MPZL1: variants seen among roughly 807,000 people sequenced by gnomAD.
MPZL1 encodes myelin protein zero-like protein 1.
In MPZL1, 16 loss-of-function variants were observed where a neutral mutation model predicts 29.3. That is an observed-to-expected ratio of 0.55 (90% CI 0.37 to 0.83). The LOEUF (loss-of-function observed/expected upper bound fraction) is 0.83, where lower values mean the gene tolerates loss of function less well. Ranked by LOEUF, MPZL1 falls within the 40% of genes least tolerant of loss-of-function variation. The pLI is 0.00. For missense variants in MPZL1, 279 were observed against 332.9 expected (o/e 0.84, Z 1.26); for synonymous variants, 143 against 132.0 (o/e 1.08, Z -0.57).
At chr1:167,752,071 T>C (rs1300540205) in intron 1 of MPZL1, among the ~76,000 whole-genome samples, 1 of 152,268 alleles carries the variant, frequency 6.6e-6, no homozygotes, top group Non-Finnish European at 1.5e-5. Context: ...GAATTCAGAC[T>C]ACCTTTTCAT....
intron 3 of MPZL1, 34 bp downstream of exon 3, chr1:167,772,522 A>G (rs773112939): frequency 1.3e-6 from 2 of 1,549,962 alleles, no homozygotes; most frequent in South Asian, 2.3e-5. Flanking sequence ...GTAATAATGC[A>G]GTCTCCTTTA....
chr1:167,779,172 C>T (rs1465108280), intron 5 of MPZL1, among the ~76,000 whole-genome samples: 2 of 150,950 alleles, frequency 1.3e-5, no homozygotes, highest in African/African-American at 2.4e-5. Flanking sequence ...CAGTGAGCCA[C>T]CGGACAATAT....
chr1:167,752,048 T>A lies in MPZL1; in HGVS notation c.92-13535T>A, dbSNP rs574852545. 2.7e-4 allele frequency among the ~76,000 whole-genome samples: 41 copies of A among 152,368 alleles called. No individual in the cohort carries two copies. The Middle Eastern group carries it at 0.017, about 63-fold the overall frequency. On this transcript the variant is annotated intron_variant, in intron 1 of 5. Transcript: ENST00000359523. ...GATGCCCACTTCCTACAGGATCAAG[T>A]TCCAGCTCATCTGAATTCAGACTAC...
chr1:167,753,891 A>G (rs906660485), intron 1 of MPZL1, among the ~76,000 whole-genome samples: 6 of 151,912 alleles, frequency 3.9e-5, no homozygotes, highest in African/African-American at 1.2e-4. Flanking sequence ...CAGCTTCCCA[A>G]AGTGTTGGGA....
chr1:167,772,633 T>C, intron 3 of MPZL1, 145 bp downstream of exon 3: 1 of 687,664 alleles, frequency 1.5e-6, no homozygotes, highest in Middle Eastern at 2.7e-4. Flanking sequence ...AACCTGTGGC[T>C]CTACCAAACA....
chr1:167,737,968 C>T (rs1362479268), intron 1 of MPZL1, among the ~76,000 whole-genome samples: 1 of 152,166 alleles, frequency 6.6e-6, no homozygotes, highest in Non-Finnish European at 1.5e-5. Flanking sequence ...TGCTCTCGCT[C>T]AGGCTGGAGT....
intron 1 of MPZL1, among the ~76,000 whole-genome samples, chr1:167,760,574 G>A (rs190651396): frequency 5.9e-5 from 9 of 152,194 alleles, no homozygotes; most frequent in Admixed American, 5.9e-4. Context: ...GCAAAAGAGA[G>A]GAGTCACAAA....
intron 1 of MPZL1, among the ~76,000 whole-genome samples, chr1:167,743,935 A>G (rs1660590648): frequency 6.6e-6 from 1 of 151,994 alleles, no homozygotes; most frequent in South Asian, 2.1e-4. Context: ...TAGGACTTCC[A>G]ATACTTTGTT....
intron 5 of MPZL1, among the ~76,000 whole-genome samples, chr1:167,786,283 CAG>C (rs1439881913): frequency 6.6e-6 from 1 of 152,180 alleles, no homozygotes; most frequent in Non-Finnish European, 1.5e-5. Flanking sequence ...CCAGTTACCT[CAG>C]TGCATTTTAA....
intron 1 of MPZL1, among the ~76,000 whole-genome samples, chr1:167,724,280 G>A (rs1660098234): frequency 6.6e-6 from 1 of 152,198 alleles, no homozygotes; most frequent in African/African-American, 2.4e-5. Flanking sequence ...GTGTATATAA[G>A]GGGAATGGTG....
At chr1:167,761,831 G>C (rs1287980840) in intron 1 of MPZL1, among the ~76,000 whole-genome samples, 1 of 152,202 alleles carries the variant, frequency 6.6e-6, no homozygotes, top group African/African-American at 2.4e-5. Flanking sequence ...CAGGATAGAG[G>C]TTCCAGGTGA....
At chr1:167,739,752 C>G (rs957044816) in intron 1 of MPZL1, among the ~76,000 whole-genome samples, 3 of 152,120 alleles carry the variant, frequency 2.0e-5, no homozygotes, top group African/African-American at 7.2e-5. Context: ...TGTCATATCC[C>G]TGTTAACTAC....
chr1:167,722,378 G>T, intron 1 of MPZL1, 136 bp downstream of exon 1: 2 of 1,220,082 alleles, frequency 1.6e-6, no homozygotes, highest in Non-Finnish European at 2.0e-6. Flanking sequence ...GCGCTCTCTG[G>T]GGCCGAGGGG....
At chr1:167,733,109 A>G (rs1660303649) in intron 1 of MPZL1, among the ~76,000 whole-genome samples, 3 of 152,220 alleles carry the variant, frequency 2.0e-5, no homozygotes, top group Admixed American at 6.5e-5. Context: ...TTCTGTTTAT[A>G]TAGATCAAGT....
At chr1:167,743,158 T>A (rs1215575755) in intron 1 of MPZL1, among the ~76,000 whole-genome samples, 1 of 151,980 alleles carries the variant, frequency 6.6e-6, no homozygotes, top group Admixed American at 6.6e-5. Flanking sequence ...ATGGTGGTAT[T>A]TTGATGGGAA....
chr1:167,787,726 C>T lies in MPZL1; in HGVS notation c.709-94C>T, dbSNP rs1040463298. 6.7e-6 allele frequency: 6 copies of T among 893,010 alleles called. No individual in the cohort carries two copies. The African/African-American group carries it at 8.3e-5, about 12-fold the overall frequency. 55.3% of individuals were successfully genotyped at this position (893,010 alleles called of 1,614,324 possible). ...AGAGGGAAGTCTTTGCTTTGGAACCCTGATGTGATCACGTTAATCATTGCT... is the reference window on the plus strand; with the variant it reads ...AGAGGGAAGTCTTTGCTTTGGAACCTTGATGTGATCACGTTAATCATTGCT... On this transcript the variant is annotated intron_variant, in intron 5 of 5. Coordinates refer to ENST00000359523, the MANE Select transcript of MPZL1 (RefSeq NM_003953.6).
intron 1 of MPZL1, among the ~76,000 whole-genome samples, chr1:167,731,167 G>C (rs968954927): frequency 6.6e-6 from 1 of 152,136 alleles, no homozygotes. Flanking sequence ...GGGTGCCGTG[G>C]CTCGCGCCTG....
rs936989010 is a variant in MPZL1 at position 167,790,706 on chromosome 1, T to C, written c.*2785T>C. On this transcript the variant is annotated 3_prime_UTR_variant, in exon 6 of 6. Transcript: ENST00000359523. ...ACTTAGAGATTGAAATTTCAAACTA[T>C]CTCTAGTTTTTCAATGGAAATATAT... 1 of 152,202 alleles carries C rather than the reference T, an allele frequency of 6.6e-6. No individual in the cohort carries two copies. The highest frequency in any genetic ancestry group is 2.4e-5 in the African/African-American group (1 of 41,454). 9.4% of individuals were successfully genotyped at this position (152,202 alleles called of 1,614,324 possible). A position where few individuals can be genotyped will look rare whatever the true frequency, so the allele number is the denominator to read the frequency against.
At chr1:167,777,274 G>A (rs1661389880) in intron 5 of MPZL1, among the ~76,000 whole-genome samples, 1 of 152,192 alleles carries the variant, frequency 6.6e-6, no homozygotes, top group South Asian at 2.1e-4. Flanking sequence ...CGCCCTTGAA[G>A]CACTATGGAA....
Sources: allele counts gnomAD v4.1 joint callset (sites outside exome capture counted in the v4.1 genomes callset), GRCh38; gene constraint gnomAD v4.1.1; transcripts MANE v1.5; gene names NCBI Gene and HGNC (gene_info 2026-07-23, HGNC 2026-07-21).